The following ARID5B variants were observed in gnomAD, a reference collection of about 807,000 sequenced individuals.
ARID5B encodes the protein AT-rich interactive domain-containing protein 5B.
A neutral mutation model predicts 97.2 loss-of-function variants in ARID5B; 13 were observed. That is an observed-to-expected ratio of 0.13 (90% CI 0.09 to 0.21). The LOEUF (loss-of-function observed/expected upper bound fraction) is 0.21, where lower values mean the gene tolerates loss of function less well. Ranked by LOEUF, ARID5B falls within the 10% of genes least tolerant of loss-of-function variation. The probability of loss-of-function intolerance (pLI) is 1.00; values close to 1 mark genes in which losing one functional copy is unlikely to be tolerated. For synonymous variants in ARID5B, 556 were observed against 570.3 expected (o/e 0.97, Z 0.36); for missense variants, 1,210 against 1,465.3 (o/e 0.83, Z 2.84).
chr10:62,003,367 G>A (rs1271519507), intron 4 of ARID5B, among the ~76,000 whole-genome samples: 1 of 152,216 alleles, frequency 6.6e-6, no homozygotes, highest in African/African-American at 2.4e-5. Context: ...GGAAATCTTG[G>A]TGAGGGGTCA....
intron 4 of ARID5B, among the ~76,000 whole-genome samples, chr10:62,037,405 A>G (rs1159622464): frequency 6.6e-6 from 1 of 152,230 alleles, no homozygotes; most frequent in Non-Finnish European, 1.5e-5. Context: ...TGAACATCTT[A>G]GTCCCATATT....
At chr10:61,905,512 G>A (rs1278729205) in intron 2 of ARID5B, among the ~76,000 whole-genome samples, 1 of 151,916 alleles carries the variant, frequency 6.6e-6, no homozygotes, top group Non-Finnish European at 1.5e-5. Context: ...GATAAGGCAG[G>A]ACTTTGTACA....
At position 62,073,045 on chromosome 10, in the gene ARID5B, G is replaced by A. The variant is rs139077560; in HGVS notation, c.1199+3248G>A. Among the ~76,000 whole-genome samples the A allele has an allele frequency of 3.3e-3, 504 of 152,328 alleles. 3 individuals carry two copies. Among genetic ancestry groups the A allele is most frequent in the African/African-American group, 0.011 (473 of 41,576 alleles). ...AACACTGTTTTCAAGAAGGGTCAAT[G>A]AGTTGAGAATGGTCAGGACTTTGTG... is the stretch of plus-strand genomic sequence containing the variant. On this transcript the variant is annotated intron_variant, in intron 8 of 9. Transcript: ENST00000279873.
Position 62,092,328 on chromosome 10 carries a change from T to C in ARID5B, c.2865T>C (p.Cys955=), listed in dbSNP as rs1840391666. 1 of 1,613,080 alleles carries C rather than the reference T, an allele frequency of 6.2e-7. No individual in the cohort carries two copies. Among genetic ancestry groups the C allele is most frequent in the Non-Finnish European group, 8.5e-7 (1 of 1,179,596 alleles). Residue 955 remains cysteine (C), a synonymous_variant, in exon 10 of 10, where the codon TGT becomes TGC. Transcript: ENST00000279873. ...SQSRDCHPKA[C]RVSPMTMSGP... Reference sequence around the variant, plus strand: ...GTCGAGACTGTCACCCCAAAGCCTGTCGGGTATCACCCATGACCATGTCAG... The same window carrying C: ...GTCGAGACTGTCACCCCAAAGCCTGCCGGGTATCACCCATGACCATGTCAG...
chr10:62,062,975 T>C (rs1402417050), intron 7 of ARID5B, among the ~76,000 whole-genome samples: 1 of 152,150 alleles, frequency 6.6e-6, no homozygotes, highest in Admixed American at 6.5e-5. Flanking sequence ...AAGAGATTTA[T>C]AAATGATTAT....
chr10:61,989,394 G>A (rs1838891977), intron 3 of ARID5B, among the ~76,000 whole-genome samples: 1 of 151,990 alleles, frequency 6.6e-6, no homozygotes, highest in African/African-American at 2.4e-5. Context: ...TGCTCTAAAA[G>A]ATTTTTGAAA....
chr10:62,073,777 T>C (rs1378330328), intron 8 of ARID5B, among the ~76,000 whole-genome samples: 2 of 152,230 alleles, frequency 1.3e-5, no homozygotes, highest in African/African-American at 4.8e-5. Context: ...TCAGCAAAGC[T>C]TATGAAATGT....
chr10:61,994,819 A>G (rs537071249), intron 3 of ARID5B, among the ~76,000 whole-genome samples: 2 of 152,364 alleles, frequency 1.3e-5, no homozygotes, highest in East Asian at 3.9e-4. Context: ...TGAGCATTAC[A>G]AGCAGTGTAC....
chr10:61,974,992 G>A (rs1838680374), intron 3 of ARID5B, among the ~76,000 whole-genome samples: 1 of 151,518 alleles, frequency 6.6e-6, no homozygotes, highest in African/African-American at 2.4e-5. Flanking sequence ...AGCATTGTTG[G>A]TAGGCTTTTA....
At chr10:62,004,153 GA>G (rs1839117684) in intron 4 of ARID5B, among the ~76,000 whole-genome samples, 1 of 152,198 alleles carries the variant, frequency 6.6e-6, no homozygotes, top group South Asian at 2.1e-4. Flanking sequence ...TTTTAGGCTT[GA>G]AGGGTTTTGA....
intron 3 of ARID5B, among the ~76,000 whole-genome samples, chr10:61,957,700 A>G (rs1412663167): frequency 1.3e-5 from 2 of 152,236 alleles, no homozygotes; most frequent in African/African-American, 4.8e-5. Flanking sequence ...TATAGATGGC[A>G]TGTTGAAATA....
intron 4 of ARID5B, among the ~76,000 whole-genome samples, chr10:62,038,808 G>A (rs373829261): frequency 6.6e-6 from 1 of 151,984 alleles, no homozygotes; most frequent in Non-Finnish European, 1.5e-5. Context: ...TTTTTTGGTC[G>A]TCCCACCGCA....
rs142054889 is a variant in ARID5B at position 61,922,065 on chromosome 10, G to A, written c.277-18118G>A. ...CCCAAATATCTCCCCGCTCTTCAGG[G>A]CATATAACTATAGATGACATACACA... On this transcript the variant is annotated intron_variant, in intron 2 of 9. Transcript: ENST00000279873. 1.6e-3 allele frequency among the ~76,000 whole-genome samples: 250 copies of A among 152,224 alleles called. 1 individual carries two copies. Among genetic ancestry groups the A allele is most frequent in the African/African-American group, 5.8e-3 (239 of 41,544 alleles).
At position 62,092,893 on chromosome 10, in the gene ARID5B, T is replaced by C. The variant is rs1341859631; in HGVS notation, c.3430T>C (p.Leu1144=). 3 of 1,614,232 alleles carry C rather than the reference T, an allele frequency of 1.9e-6. No individual in the cohort carries two copies. Among genetic ancestry groups the C allele is most frequent in the South Asian group, 1.1e-5 (1 of 91,088 alleles). The stretch of plus-strand genomic sequence containing the variant: ...AAATTCTCAGCAGCTGTACAGACAC[T>C]TGGCTGCGGCTACACCTGTAGGAAG... ...PTNSQQLYRH[L]AAATPVGSSY... Residue 1144 remains leucine (L), a synonymous_variant, in exon 10 of 10, where the codon TTG becomes CTG. Coordinates refer to ENST00000279873, the MANE Select transcript of ARID5B (RefSeq NM_032199.3).
chr10:62,027,668 A>G (rs7918774), intron 4 of ARID5B, among the ~76,000 whole-genome samples: 147,022 of 152,006 alleles, frequency 0.97, 71,308 homozygotes, highest in East Asian at 1. Context: ...GCCGGGCAGT[A>G]TGCACCTTTT....
intron 2 of ARID5B, among the ~76,000 whole-genome samples, chr10:61,925,580 A>T (rs757744991): frequency 6.6e-5 from 10 of 152,158 alleles, no homozygotes; most frequent in African/African-American, 9.7e-5. Flanking sequence ...GAGAGAAAGT[A>T]TGTAGGACAC....
At chr10:62,028,859 G>T (rs1201804780) in intron 4 of ARID5B, among the ~76,000 whole-genome samples, 1 of 151,950 alleles carries the variant, frequency 6.6e-6, no homozygotes, top group African/African-American at 2.4e-5. Flanking sequence ...TACTTGGGAG[G>T]CTGAGGCAGG....
Position 62,092,463 on chromosome 10 carries a change from A to G in ARID5B, c.3000A>G (p.Lys1000=). 2 of 1,614,190 alleles carry G rather than the reference A, an allele frequency of 1.2e-6. No individual in the cohort carries two copies. The highest frequency in any genetic ancestry group is 4.5e-5 in the East Asian group (2 of 44,886). ...TGGTCCACCCAATCCTGCACCGGAA[A>G]ATGAGCCCGCAGAACATTGGGGCGG... ...EGMVHPILHR[K]MSPQNIGAAR... Residue 1000 remains lysine, a synonymous_variant, in exon 10 of 10, where the codon AAA becomes AAG. Coordinates refer to ENST00000279873, the MANE Select transcript of ARID5B (RefSeq NM_032199.3).
intron 4 of ARID5B, among the ~76,000 whole-genome samples, chr10:62,050,465 T>C (rs1839771882): frequency 6.6e-6 from 1 of 152,212 alleles, no homozygotes; most frequent in Non-Finnish European, 1.5e-5. Flanking sequence ...AAACATTTCA[T>C]TACTATGATA....
Sources: gnomAD v4.1 joint callset for allele counts (sites outside exome capture counted in the v4.1 genomes callset) on GRCh38, gnomAD v4.1.1 for gene constraint, MANE v1.5 for transcripts, NCBI Gene and HGNC (gene_info 2026-07-23, HGNC 2026-07-21) for gene names.